The following PPIC variants were observed in gnomAD, a reference collection of about 807,000 sequenced individuals.
PPIC encodes peptidyl-prolyl cis-trans isomerase C.
In PPIC, 19 loss-of-function variants were observed where a neutral mutation model predicts 19.5. That is an observed-to-expected ratio of 0.98 (90% confidence interval 0.68 to 1.43). PPIC has a LOEUF of 1.43. PPIC is among the 40% of genes most tolerant of loss of function. PPIC has a pLI of 0.00. For missense variants in PPIC, 268 were observed against 268.6 expected (o/e 1.00, Z 0.02); for synonymous variants, 107 against 101.2 (o/e 1.06, Z -0.34).
rs1278458347 is a variant in PPIC at position 123,036,228 on chromosome 5, C to A, written c.117+281G>T. 2.9e-5 allele frequency: 14 copies of A among 485,668 alleles called. No individual in the cohort carries two copies. The East Asian group carries it at 5.3e-4, about 19-fold the overall frequency. The allele number at this position is 485,668 out of a possible 1,614,324, so 30.1% of individuals were successfully genotyped here. ...CCGGTTCCGGAAGCCTCTCCTACCC[C>A]CAGGCTGGTCACCTCGGACTACCGA... On this transcript the variant is annotated intron_variant, in intron 1 of 4. Transcript: ENST00000306442. This position sits in a 1 kb window ranked among gnomAD's most constrained non-coding sequence, Gnocchi z 4.5.
At chr5:123,034,473 G>C (rs1422465833) in intron 1 of PPIC, among the ~76,000 whole-genome samples, 1 of 152,044 alleles carries the variant, frequency 6.6e-6, no homozygotes, top group Non-Finnish European at 1.5e-5. Flanking sequence ...CCATCTTCCA[G>C]TGGTTCCCCG....
chr5:123,030,238 A>G (rs1762924366), intron 1 of PPIC, among the ~76,000 whole-genome samples: 1 of 152,218 alleles, frequency 6.6e-6, no homozygotes, highest in Non-Finnish European at 1.5e-5. Flanking sequence ...TAAAACCATA[A>G]AAGTTCTCTT....
intron 3 of PPIC, among the ~76,000 whole-genome samples, chr5:123,026,919 G>T (rs1025134831): frequency 6.6e-6 from 1 of 152,186 alleles, no homozygotes; most frequent in Non-Finnish European, 1.5e-5. Flanking sequence ...AGTAGGCTGG[G>T]TGCAGTGGCT....
At chr5:123,026,624 G>A (rs970957079) in intron 3 of PPIC, among the ~76,000 whole-genome samples, 2 of 152,200 alleles carry the variant, frequency 1.3e-5, no homozygotes, top group African/African-American at 4.8e-5. Context: ...AGCTGATCTG[G>A]AAGTTGTTGG....
chr5:123,036,643 G>A lies in PPIC; in HGVS notation c.-18C>T. 2 of 1,560,802 alleles carry A rather than the reference G, an allele frequency of 1.3e-6. No individual in the cohort carries two copies. The highest frequency in any genetic ancestry group is 2.7e-5 in the African/African-American group (2 of 73,798). On this transcript the variant is annotated 5_prime_UTR_variant, in exon 1 of 5. Transcript: ENST00000306442. This position sits in a 1 kb window ranked among gnomAD's most constrained non-coding sequence, Gnocchi z 4.5. ...GGGCCCATGGTGAGCGGTGGCAGCG[G>A]CGCTACCGGCACGGGCGCTACCGGC...
rs750629331 is a variant in PPIC, at chr5:123,023,839, C to G, written c.*36G>C. The stretch of plus-strand genomic sequence containing the variant: ...ACACACACACACACACACACACACC[C>G]CTGCCAAAGCATATCCTTGTTTTCT... On this transcript the variant is annotated 3_prime_UTR_variant, in exon 5 of 5. Coordinates refer to ENST00000306442, the MANE Select transcript of PPIC (RefSeq NM_000943.5). The G allele has an allele frequency of 1.2e-6, 2 of 1,609,314 alleles. No homozygotes were observed. The highest frequency in any genetic ancestry group is 1.7e-6 in the Non-Finnish European group (2 of 1,177,760).
rs764165098 is a variant in PPIC, at chr5:123,025,770, AT to A, written c.510+13del. On this transcript the variant is annotated intron_variant, in intron 4 of 4. Coordinates refer to ENST00000306442, the MANE Select transcript of PPIC (RefSeq NM_000943.5). ...AATATAAAGCTTTGAAAGGAAAAAA[AT>A]GTATCAATTTACCATCCCATCAATG... The A allele has an allele frequency of 1.2e-6, 2 of 1,607,934 alleles. No homozygotes were observed. The highest frequency in any genetic ancestry group is 8.5e-7 in the Non-Finnish European group (1 of 1,178,004).
chr5:123,035,046 C>T (rs1416039133), intron 1 of PPIC, among the ~76,000 whole-genome samples: 1 of 152,146 alleles, frequency 6.6e-6, no homozygotes, highest in Non-Finnish European at 1.5e-5. Flanking sequence ...CCTCTAAGGC[C>T]CTGTGTGATT....
Position 123,023,881 on chromosome 5 carries a change from A to C in PPIC, c.633T>G (p.Asp211Glu). ...VKTPFVVEIA[D>E]W ...TTGTTTTCTGCCAGTTGTGTCACCA[A>C]TCAGCGATCTCAACCACAAAAGGCG... Residue 211 changes from aspartate (D) to glutamate (E), a missense_variant, in exon 5 of 5, where the codon GAT (aspartate) becomes GAG (glutamate). Coordinates refer to ENST00000306442, the MANE Select transcript of PPIC (RefSeq NM_000943.5). The C allele has an allele frequency of 6.2e-7, 1 of 1,612,458 alleles. No homozygotes were observed. The highest frequency in any genetic ancestry group is 8.5e-7 in the Non-Finnish European group (1 of 1,179,208).
intron 3 of PPIC, among the ~76,000 whole-genome samples, chr5:123,027,594 T>A (rs1762880098): frequency 6.6e-6 from 1 of 152,246 alleles, no homozygotes; most frequent in Admixed American, 6.5e-5. Flanking sequence ...CCAGTCTACA[T>A]CCCCATACCC....
At chr5:123,026,949 C>A (rs987681835) in intron 3 of PPIC, among the ~76,000 whole-genome samples, 7 of 152,132 alleles carry the variant, frequency 4.6e-5, no homozygotes, top group Admixed American at 6.6e-5. Context: ...AATCCCAGCA[C>A]TTTGGGAGGC....
chr5:123,035,128 C>A (rs1406069067), intron 1 of PPIC, among the ~76,000 whole-genome samples: 3 of 152,204 alleles, frequency 2.0e-5, no homozygotes, highest in East Asian at 3.8e-4. Context: ...TCCGTCCTCT[C>A]CACATCCTCT....
chr5:123,031,235 A>T (rs1023846776), intron 1 of PPIC, among the ~76,000 whole-genome samples: 1 of 152,358 alleles, frequency 6.6e-6, no homozygotes, highest in East Asian at 1.9e-4. Context: ...CACAAACTGT[A>T]TAAGAGAGTC....
At chr5:123,026,380 T>C (rs1279221933) in intron 3 of PPIC, among the ~76,000 whole-genome samples, 1 of 152,166 alleles carries the variant, frequency 6.6e-6, no homozygotes, top group African/African-American at 2.4e-5. Context: ...AGGACAGTCC[T>C]GTGACTTATC....
Position 123,036,502 on chromosome 5 carries a change from C to T in PPIC, c.117+7G>A. 6.2e-7 allele frequency: 1 copy of T among 1,604,018 alleles called. No homozygotes were observed. The highest frequency in any genetic ancestry group is 8.5e-7 in the Non-Finnish European group (1 of 1,175,914). ...AGGGGAAGTTGCAGCCCGCCGCTCT[C>T]GGTCACCTTGGCCGTCACCGAGGGG... On this transcript the variant is annotated splice_region_variant and intron_variant, in intron 1 of 4. Coordinates refer to ENST00000306442, the MANE Select transcript of PPIC (RefSeq NM_000943.5). This position sits in a 1 kb window ranked among gnomAD's most constrained non-coding sequence, Gnocchi z 4.5.
intron 1 of PPIC, among the ~76,000 whole-genome samples, chr5:123,033,069 G>A (rs1277945405): frequency 1.3e-5 from 2 of 152,184 alleles, no homozygotes; most frequent in East Asian, 3.9e-4. Context: ...GGAAGAAACT[G>A]TTCTCAAATG....
chr5:123,023,954 G>A lies in PPIC; in HGVS notation c.560C>T (p.Pro187Leu). Residue 187 changes from proline to leucine, a missense_variant, in exon 5 of 5, where the codon CCA (proline) becomes CTA (leucine). Physicochemically the swap from Pro to Leu is moderately conservative, Grantham distance 98. Coordinates refer to ENST00000306442, the MANE Select transcript of PPIC (RefSeq NM_000943.5). ...ELQATDGHDR[P>L]LTNCSIINSG... is the part of the protein sequence containing the mutation. ...GTTGATGATCGAGCAGTTGGTGAGT[G>A]GACGGTCATGCCCATCAGTTGCTTG... The A allele has an allele frequency of 6.2e-7, 1 of 1,614,060 alleles. No individual in the cohort carries two copies. The highest frequency in any genetic ancestry group is 8.5e-7 in the Non-Finnish European group (1 of 1,180,004).
rs527777645 is a variant in PPIC, at chr5:123,036,468, G to A, written c.117+41C>T. ...GTATCCAAAGCGCCCCCAGGGCCCC[G>A]CCCGCAACAGGGGAAGTTGCAGCCC... On this transcript the variant is annotated intron_variant, in intron 1 of 4. Coordinates refer to ENST00000306442, the MANE Select transcript of PPIC (RefSeq NM_000943.5). The surrounding 1 kb of genome is among the most constrained non-coding windows in gnomAD (Gnocchi z 4.5). 1.3e-6 allele frequency: 2 copies of A among 1,557,808 alleles called. No homozygotes were observed. The highest frequency in any genetic ancestry group is 2.7e-5 in the African/African-American group (2 of 73,762).
chr5:123,031,337 T>C (rs1025740734), intron 1 of PPIC, among the ~76,000 whole-genome samples: 1 of 151,972 alleles, frequency 6.6e-6, no homozygotes, highest in Non-Finnish European at 1.5e-5. Context: ...CCCCAAACAC[T>C]GTATGCCCAG....
Sources: gnomAD v4.1 joint callset for allele counts (sites outside exome capture counted in the v4.1 genomes callset) on GRCh38, gnomAD v4.1.1 for gene constraint, Gnocchi (gnomAD v3.1) non-coding constraint, MANE v1.5 for transcripts, NCBI Gene and HGNC (gene_info 2026-07-23, HGNC 2026-07-21) for gene names.